ORC5: variants seen among roughly 807,000 people sequenced by gnomAD.
The protein encoded by ORC5 is origin recognition complex subunit 5, also known as protein phosphatase 1, regulatory subunit 117.
In ORC5, 39 loss-of-function variants were observed where a neutral mutation model predicts 58.8. The ratio of observed to expected loss-of-function variants is 0.66; its 90% CI spans 0.51 to 0.87. The LOEUF is 0.87. ORC5 is among the 40% of genes least tolerant of loss of function. ORC5 has a pLI of 0.00. For missense variants in ORC5, 493 were observed against 506.3 expected (o/e 0.97, Z 0.25); for synonymous variants, 218 against 177.6 (o/e 1.23, Z -1.81).
rs552558316 is a variant in ORC5 at position 104,135,473 on chromosome 7, A to G, written c.1262+1308T>C. On this transcript the variant is annotated intron_variant, in intron 13 of 13. Transcript: ENST00000297431. Reference sequence around the variant, plus strand: ...ATCACAGAACTTAAAAACATTTTTTATAGAGACGGGGGTCTCACTACGTTG... The same window carrying G: ...ATCACAGAACTTAAAAACATTTTTTGTAGAGACGGGGGTCTCACTACGTTG... Among the ~76,000 whole-genome samples the G allele has an allele frequency of 9.2e-5, 14 of 152,304 alleles. 1 individual carries two copies. In the South Asian group the frequency reaches 2.9e-3, roughly 32 times the overall value.
Position 104,129,379 on chromosome 7 carries a change from AAG to A in ORC5, c.1263-2488_1263-2487del, listed in dbSNP as rs1346439587. Among the ~76,000 whole-genome samples, 1 of 152,180 alleles carries A rather than the reference AAG, an allele frequency of 6.6e-6. No individual in the cohort carries two copies. Among genetic ancestry groups the A allele is most frequent in the African/African-American group, 2.4e-5 (1 of 41,440 alleles). On this transcript the variant is annotated intron_variant, in intron 13 of 13. Transcript: ENST00000297431. This position sits in a 1 kb window ranked among gnomAD's most constrained non-coding sequence, Gnocchi z 4.9. ...GTATTCATGCAAACTGAATCATAGTAAGAGTTTTAGATTAAAAAAAATCGATC... is the reference window on the plus strand; with the variant it reads ...GTATTCATGCAAACTGAATCATAGTAAGTTTTAGATTAAAAAAAATCGATC...
chr7:104,153,359 G>A (rs1386767708), intron 12 of ORC5, among the ~76,000 whole-genome samples: 1 of 152,114 alleles, frequency 6.6e-6, no homozygotes, highest in African/African-American at 2.4e-5. Context: ...GAGCATCATG[G>A]CGGTGATGCT....
At chr7:104,148,313 C>G (rs1403965166) in intron 12 of ORC5, among the ~76,000 whole-genome samples, 1 of 152,100 alleles carries the variant, frequency 6.6e-6, no homozygotes, top group Non-Finnish European at 1.5e-5. Flanking sequence ...AAACAAGGAG[C>G]TATAGAATAC....
chr7:104,204,345 C>A (rs1484660461), intron 1 of ORC5, 111 bp from the exon 2 acceptor site: 28 of 679,962 alleles, frequency 4.1e-5, no homozygotes, highest in Non-Finnish European at 7.3e-5. Flanking sequence ...ATCCAAATTC[C>A]TAACAATGAG....
chr7:104,139,951 A>G (rs1798647226), intron 12 of ORC5, among the ~76,000 whole-genome samples: 1 of 151,978 alleles, frequency 6.6e-6, no homozygotes, highest in Non-Finnish European at 1.5e-5. Flanking sequence ...GTAGTTTTTA[A>G]GCTATGTTAC....
At position 104,197,546 on chromosome 7, in the gene ORC5, A is replaced by G. The variant is rs993081839; in HGVS notation, c.441+179T>C. Among the ~76,000 whole-genome samples, 4 of 152,210 alleles carry G rather than the reference A, an allele frequency of 2.6e-5. No individual in the cohort carries two copies. In the East Asian group the frequency reaches 7.7e-4, roughly 29 times the overall value. On this transcript the variant is annotated intron_variant, in intron 4 of 13. Transcript: ENST00000297431. Reference sequence around the variant, plus strand: ...CTAAAATAATTGAAGAATAAATGCTATCAAATCACCAACTGATTTTACTAT... The same window carrying G: ...CTAAAATAATTGAAGAATAAATGCTGTCAAATCACCAACTGATTTTACTAT...
chr7:104,172,447 A>C (rs1465182994), intron 8 of ORC5, among the ~76,000 whole-genome samples: 2 of 152,356 alleles, frequency 1.3e-5, no homozygotes, highest in East Asian at 3.9e-4. Flanking sequence ...AGAAACTACC[A>C]AATTTTTACC....
intron 10 of ORC5, among the ~76,000 whole-genome samples, chr7:104,166,141 T>C (rs1298239554): frequency 1.3e-5 from 2 of 151,888 alleles, no homozygotes; most frequent in Non-Finnish European, 2.9e-5. Context: ...TCATGTGAAA[T>C]AGGAAACAAT....
intron 8 of ORC5, among the ~76,000 whole-genome samples, chr7:104,179,713 C>A (rs1160079513): frequency 6.6e-6 from 1 of 151,610 alleles, no homozygotes; most frequent in Non-Finnish European, 1.5e-5. Flanking sequence ...GTAAAGCTGT[C>A]TTCTTCACTT....
At chr7:104,151,496 T>TA (rs150592753) in intron 12 of ORC5, among the ~76,000 whole-genome samples, 8,091 of 152,232 alleles carry the variant, frequency 0.053, 709 homozygotes, top group African/African-American at 0.18. Flanking sequence ...TTAGCTAAAC[T>TA]AAAAACTAGA....
chr7:104,207,943 C>T lies in ORC5; in HGVS notation c.-39G>A. 2 of 1,588,208 alleles carry T rather than the reference C, an allele frequency of 1.3e-6. No homozygotes were observed. Among genetic ancestry groups the T allele is most frequent in the Non-Finnish European group, 1.7e-6 (2 of 1,156,668 alleles). ...ACCGCAGAGGCCAGTGCAGCCAGCC[C>T]ACAGGACCCTTGCACAAGACGGAGC... On this transcript the variant is annotated 5_prime_UTR_variant, in exon 1 of 14. Transcript: ENST00000297431.
intron 1 of ORC5, among the ~76,000 whole-genome samples, chr7:104,205,084 C>CTATTTTTTTTTT (rs769195880): frequency 9.8e-6 from 1 of 102,358 alleles, no homozygotes; most frequent in African/African-American, 3.4e-5. Flanking sequence ...TTTAATAATA[C>CTATTTTTTTTTT]TCTTTTTTTT....
At chr7:104,203,420 G>A (rs1023095069) in intron 2 of ORC5, among the ~76,000 whole-genome samples, 3 of 152,154 alleles carry the variant, frequency 2.0e-5, no homozygotes, top group Non-Finnish European at 4.4e-5. Context: ...CGGCCCTTAA[G>A]AAAAAGACTG....
intron 13 of ORC5, among the ~76,000 whole-genome samples, chr7:104,132,914 G>C (rs1207688806): frequency 6.6e-6 from 1 of 152,056 alleles, no homozygotes; most frequent in Non-Finnish European, 1.5e-5. Flanking sequence ...AAATCTAAAG[G>C]TTATGTAGCA....
At chr7:104,155,491 A>G (rs1326999410) in intron 12 of ORC5, among the ~76,000 whole-genome samples, 1 of 151,404 alleles carries the variant, frequency 6.6e-6, no homozygotes, top group Non-Finnish European at 1.5e-5. Flanking sequence ...AGAATACATT[A>G]TTTTATAATA....
chr7:104,156,041 C>T (rs1442399326), intron 12 of ORC5, among the ~76,000 whole-genome samples: 3 of 151,694 alleles, frequency 2.0e-5, no homozygotes, highest in East Asian at 3.9e-4. Flanking sequence ...TACCCATTTA[C>T]TGCATGTATT....
rs758352116 is a variant in ORC5, at chr7:104,161,153, T to C, written c.1068A>G (p.Pro356=). Residue 356 remains proline, a synonymous_variant, in exon 12 of 14, where the codon CCA becomes CCG. Coordinates refer to ENST00000297431, the MANE Select transcript of ORC5 (RefSeq NM_002553.4). ...TTGCTAATAATCTGTCTAGTGGAAA[T>C]GGTTTTGGCCCAAGGAGATGATTGC... ...KTSNHLLGPK[P]FPLDRLLAIL... is the part of the protein sequence containing the mutation. 3.1e-6 allele frequency: 5 copies of C among 1,609,936 alleles called. No homozygotes were observed. The highest frequency in any genetic ancestry group is 3.4e-6 in the Non-Finnish European group (4 of 1,176,490).
At chr7:104,148,146 C>T (rs1239818724) in intron 12 of ORC5, among the ~76,000 whole-genome samples, 1 of 152,172 alleles carries the variant, frequency 6.6e-6, no homozygotes, top group African/African-American at 2.4e-5. Flanking sequence ...CAAAAACCCT[C>T]CCATGATTAC....
intron 3 of ORC5, among the ~76,000 whole-genome samples, chr7:104,198,379 T>C (rs187661788): frequency 2.8e-4 from 43 of 152,268 alleles, no homozygotes; most frequent in Non-Finnish European, 4.9e-4. Context: ...TGGTCATAGA[T>C]GGACATGAGG....
Sources: allele counts gnomAD v4.1 joint callset (sites outside exome capture counted in the v4.1 genomes callset), GRCh38; gene constraint gnomAD v4.1.1; non-coding constraint Gnocchi (gnomAD v3.1); transcripts MANE v1.5; gene names NCBI Gene and HGNC (gene_info 2026-07-23, HGNC 2026-07-21).